COCH: variants seen among roughly 807,000 people sequenced by gnomAD.
COCH encodes coagulation factor C homolog, cochlin (Limulus polyphemus).
COCH carries 40 observed loss-of-function variants against 54.8 expected under a neutral mutation model. That is an observed-to-expected ratio of 0.73 (90% confidence interval 0.57 to 0.95). The LOEUF (loss-of-function observed/expected upper bound fraction) is 0.95. Ranked by LOEUF, COCH falls within the 40% of genes least tolerant of loss-of-function variation. The pLI is 0.00. For synonymous variants in COCH, 256 were observed against 237.9 expected (o/e 1.08, Z -0.70); for missense variants, 605 against 675.0 (o/e 0.90, Z 1.15).
intron 8 of COCH, among the ~76,000 whole-genome samples, chr14:30,881,585 T>C (rs1000620047): frequency 1.1e-4 from 17 of 152,200 alleles, no homozygotes; most frequent in African/African-American, 4.1e-4. Flanking sequence ...CCCTATTCTG[T>C]TATTCTTTTT....
At chr14:30,889,428 G>C in intron 11 of COCH, 188 bp from the exon 12 acceptor site, 3 of 594,580 alleles carry the variant, frequency 5.0e-6, no homozygotes, top group Non-Finnish European at 9.0e-6. Context: ...TTCTGGTTTG[G>C]ACCACTCTTT....
Position 30,885,819 on chromosome 14 carries a change from C to A in COCH, c.984C>A (p.Phe328Leu), listed in dbSNP as rs772839507. 6.2e-7 allele frequency: 1 copy of A among 1,613,164 alleles called. No individual in the cohort carries two copies. Among genetic ancestry groups the A allele is most frequent in the African/African-American group, 1.3e-5 (1 of 74,908 alleles). ...VDKAVCRNNG[F>L]FSYHMPNWFG... ...AGGCTGTCTGTCGGAATAATGGCTT[C>A]TTCTCTTACCACATGCCCAACTGGT... is the stretch of plus-strand genomic sequence containing the variant. Residue 328 changes from phenylalanine (F) to leucine (L), a missense_variant, in exon 11 of 12, where the codon TTC (phenylalanine) becomes TTA (leucine). Phe to Leu is a conservative substitution (Grantham distance 22, BLOSUM62 0). Coordinates refer to ENST00000396618, the MANE Select transcript of COCH (RefSeq NM_004086.3).
Position 30,874,977 on chromosome 14 carries a change from G to C in COCH, c.34+5G>C. The C allele has an allele frequency of 6.2e-7, 1 of 1,613,238 alleles. No individual in the cohort carries two copies. Among genetic ancestry groups the C allele is most frequent in the East Asian group, 2.2e-5 (1 of 44,836 alleles). ...GGATCCCGGCTCTCGGCCTCGGTGG[G>C]TGCGCGCCCCTCACGACCCCGGCCC... is the stretch of plus-strand genomic sequence containing the variant. On this transcript the variant is annotated splice_donor_5th_base_variant and intron_variant, in intron 2 of 11. Transcript: ENST00000396618.
At position 30,877,549 on chromosome 14, in the gene COCH, A is replaced by G. The variant is rs1331950544; in HGVS notation, c.83-23A>G. 3.7e-6 allele frequency: 6 copies of G among 1,613,396 alleles called. No homozygotes were observed. In the African/African-American group the frequency reaches 6.7e-5, roughly 18 times the overall value. On this transcript the variant is annotated intron_variant, in intron 3 of 11. Transcript: ENST00000396618. This position sits in a 1 kb window ranked among gnomAD's most constrained non-coding sequence, Gnocchi z 8.6. ...CCCAAGAAGTCCTAAGAATGCTTAC[A>G]ATATTATCTCCTTTTTCTTCAGCTC...
intron 8 of COCH, among the ~76,000 whole-genome samples, chr14:30,881,791 T>A (rs1305564744): frequency 1.1e-3 from 167 of 147,218 alleles, no homozygotes; most frequent in African/African-American, 3.9e-3. Flanking sequence ...ACCCCGTCTC[T>A]ACTAAAAATA....
At chr14:30,879,794 C>T (rs530252814) in intron 6 of COCH, among the ~76,000 whole-genome samples, 1 of 152,052 alleles carries the variant, frequency 6.6e-6, no homozygotes, top group Non-Finnish European at 1.5e-5. Context: ...CAGGCACATG[C>T]CACCACACCC....
At chr14:30,881,073 G>A (rs915620407) in intron 8 of COCH, among the ~76,000 whole-genome samples, 1 of 152,068 alleles carries the variant, frequency 6.6e-6, no homozygotes, top group African/African-American at 2.4e-5. Context: ...AAATTAGCCA[G>A]ATGTGGTGGC....
rs549839748 is a variant in COCH, at chr14:30,883,842, C to T, written c.630-711C>T. 1.3e-3 allele frequency among the ~76,000 whole-genome samples: 193 copies of T among 152,290 alleles called. No homozygotes were observed. In the Middle Eastern group the frequency reaches 0.014, roughly 11 times the overall value. ...GAGATCTCAAAACTCTTACAATACACATAATTTTAAGGTGCACAAATGTCA... is the reference window on the plus strand; with the variant it reads ...GAGATCTCAAAACTCTTACAATACATATAATTTTAAGGTGCACAAATGTCA... On this transcript the variant is annotated intron_variant, in intron 8 of 11. Transcript: ENST00000396618.
chr14:30,892,809 T>G (rs543534692), downstream of COCH, among the ~76,000 whole-genome samples: 2 of 144,548 alleles, frequency 1.4e-5, no homozygotes, highest in African/African-American at 5.1e-5. Flanking sequence ...CTCCGCTCCA[T>G]CTCAAAAAAA....
At chr14:30,892,942 C>G (rs1896021423), downstream of COCH, among the ~76,000 whole-genome samples, 1 of 152,248 alleles carries the variant, frequency 6.6e-6, no homozygotes, top group East Asian at 1.9e-4. Context: ...GCAACAGCAG[C>G]AAGCATTCAA....
chr14:30,887,469 A>C (rs1163421103), intron 11 of COCH, among the ~76,000 whole-genome samples: 1 of 152,098 alleles, frequency 6.6e-6, no homozygotes, highest in Non-Finnish European at 1.5e-5. Flanking sequence ...GGTGTTATAA[A>C]AGGGTATAAG....
At chr14:30,887,645 G>GT (rs1210259652) in intron 11 of COCH, among the ~76,000 whole-genome samples, 7 of 151,784 alleles carry the variant, frequency 4.6e-5, no homozygotes, top group Non-Finnish European at 5.9e-5. Flanking sequence ...CAATGGACTT[G>GT]TTTTTTTTAA....
downstream of COCH, among the ~76,000 whole-genome samples, chr14:30,892,822 A>C (rs1896017792): frequency 1.4e-5 from 2 of 142,840 alleles, no homozygotes; most frequent in South Asian, 4.3e-4. Flanking sequence ...CAAAAAAAAA[A>C]AACAAAAAAC....
chr14:30,884,694 A>G, intron 9 of COCH, 38 bp downstream of exon 9: 2 of 1,448,640 alleles, frequency 1.4e-6, no homozygotes, highest in Non-Finnish European at 1.9e-6. Flanking sequence ...AACATAGGAG[A>G]GGGTTATCAG....
At chr14:30,875,561 CTT>C in intron 3 of COCH, 1 of 482,484 alleles carries the variant, frequency 2.1e-6, no homozygotes, top group Non-Finnish European at 3.6e-6. Flanking sequence ...GCTGTCCCAC[CTT>C]GTTTGACTCG....
chr14:30,885,684 A>G, intron 10 of COCH, 64 bp downstream of exon 10: 1 of 1,471,490 alleles, frequency 6.8e-7, no homozygotes, highest in Non-Finnish European at 9.5e-7. Flanking sequence ...CTCTAAGTGC[A>G]GTGCTGACTG....
intron 1 of COCH, 132 bp from the exon 2 acceptor site, chr14:30,874,784 T>A: frequency 1.2e-6 from 1 of 835,180 alleles, no homozygotes; most frequent in Non-Finnish European, 2.0e-6. Flanking sequence ...GGCGCTGGCC[T>A]GGAGCAGCGG....
chr14:30,886,020 G>A lies in COCH; in HGVS notation c.1185G>A (p.Lys395=). 1 of 1,614,208 alleles carries A rather than the reference G, an allele frequency of 6.2e-7. No homozygotes were observed. Among genetic ancestry groups the A allele is most frequent in the Non-Finnish European group, 8.5e-7 (1 of 1,180,034 alleles). ...LMLEFVSNIA[K]TFEISDIGAK... is the part of the protein sequence containing the mutation. ...TTGAATTTGTTTCCAACATAGCCAA[G>A]ACTTTTGAAATCTCGGACATTGGTG... Residue 395 remains lysine (K), a synonymous_variant, in exon 11 of 12, where the codon AAG becomes AAA. Coordinates refer to ENST00000396618, the MANE Select transcript of COCH (RefSeq NM_004086.3).
chr14:30,881,880 C>T (rs1007852514), intron 8 of COCH, among the ~76,000 whole-genome samples: 2 of 151,722 alleles, frequency 1.3e-5, no homozygotes, highest in African/African-American at 2.4e-5. Flanking sequence ...AGGAGAATGG[C>T]GTGAACCCAG....
Sources: gnomAD v4.1 joint callset for allele counts (sites outside exome capture counted in the v4.1 genomes callset) on GRCh38, gnomAD v4.1.1 for gene constraint, Gnocchi (gnomAD v3.1) non-coding constraint, MANE v1.5 for transcripts, NCBI Gene and HGNC (gene_info 2026-07-23, HGNC 2026-07-21) for gene names.